The following TMED3 variants were observed in gnomAD, a reference collection of about 807,000 sequenced individuals.
TMED3 encodes transmembrane emp24 domain-containing protein 3.
In TMED3, 9 loss-of-function variants were observed where a neutral mutation model predicts 15.0. The ratio of observed to expected loss-of-function variants is 0.60; its 90% CI spans 0.36 to 1.04. TMED3 has a LOEUF of 1.04. TMED3 is among the 50% of genes least tolerant of loss of function. TMED3 has a pLI of 0.01. For missense variants in TMED3, 267 were observed against 278.9 expected (o/e 0.96, Z 0.30); for synonymous variants, 117 against 121.4 (o/e 0.96, Z 0.24).
At chr15:79,384,939 C>T (rs1055394180) in intron 2 of TMED3, among the ~76,000 whole-genome samples, 7 of 152,074 alleles carry the variant, frequency 4.6e-5, no homozygotes, top group African/African-American at 9.7e-5. Flanking sequence ...GAATGAAAGG[C>T]GTGAGTGAAT....
intron 2 of TMED3, among the ~76,000 whole-genome samples, chr15:79,359,937 T>A (rs1485800679): frequency 1.3e-5 from 2 of 152,336 alleles, no homozygotes; most frequent in South Asian, 2.1e-4. Context: ...GAATGTCTGA[T>A]AAATTTTTAG....
chr15:79,412,014 T>G (rs1164822648), exon 3 of TMED3: 2 of 150,536 alleles, frequency 1.3e-5, no homozygotes, highest in Non-Finnish European at 1.5e-5. Flanking sequence ...CTGCTTGCAG[T>G]GCAGCCTTGG....
chr15:79,344,435 G>A (rs932508407), intron 2 of TMED3, among the ~76,000 whole-genome samples: 1 of 152,160 alleles, frequency 6.6e-6, no homozygotes, highest in African/African-American at 2.4e-5. Context: ...CTCATTCCAT[G>A]TCTCTCTCCA....
chr15:79,349,193 T>C lies in TMED3; in HGVS notation c.417+35188T>C, dbSNP rs530374424. 5.9e-5 allele frequency among the ~76,000 whole-genome samples: 9 copies of C among 152,356 alleles called. No homozygotes were observed. In the South Asian group the frequency reaches 1.7e-3, roughly 28 times the overall value. On this transcript the variant is annotated intron_variant, in intron 2 of 2. Transcript: ENST00000424155. The stretch of plus-strand genomic sequence containing the variant: ...ACTGGAGTGAAGTGATACCTCATTA[T>C]ACTTTTGATTTATGTGTCCTCACGA...
chr15:79,377,868 G>C (rs933402886), intron 2 of TMED3, among the ~76,000 whole-genome samples: 8 of 152,080 alleles, frequency 5.3e-5, no homozygotes, highest in Non-Finnish European at 8.8e-5. Context: ...GGATGGTCTC[G>C]ATCTCCTGAC....
chr15:79,385,945 G>A (rs888251073), intron 2 of TMED3, among the ~76,000 whole-genome samples: 10 of 152,202 alleles, frequency 6.6e-5, no homozygotes, highest in African/African-American at 2.4e-4. Context: ...TTGGATTTCA[G>A]CCCAGGTCCA....
At chr15:79,324,216 C>T (rs28872841), downstream of TMED3, among the ~76,000 whole-genome samples, 4,225 of 152,294 alleles carry the variant, frequency 0.028, 120 homozygotes, top group African/African-American at 0.071. Context: ...TGGTCTCGAT[C>T]TCCTGACCTC....
intron 2 of TMED3, among the ~76,000 whole-genome samples, chr15:79,395,752 AC>A (rs1893755176): frequency 6.6e-6 from 1 of 152,196 alleles, no homozygotes; most frequent in South Asian, 2.1e-4. Context: ...CATATCTCAC[AC>A]TTATGTTTAA....
At chr15:79,357,445 A>T (rs1348250314) in intron 2 of TMED3, among the ~76,000 whole-genome samples, 2 of 127,820 alleles carry the variant, frequency 1.6e-5, no homozygotes, top group Non-Finnish European at 3.1e-5. Context: ...TGATTGTGCC[A>T]CTGCACTCCA....
At chr15:79,323,747 C>G (rs193236195), downstream of TMED3, among the ~76,000 whole-genome samples, 5 of 152,234 alleles carry the variant, frequency 3.3e-5, no homozygotes, top group East Asian at 9.6e-4. Context: ...TTGTCTTCCA[C>G]TTTTTTATGG....
At chr15:79,383,909 T>G (rs1380820455) in intron 2 of TMED3, 7 of 152,220 alleles carry the variant, frequency 4.6e-5, no homozygotes, top group African/African-American at 1.7e-4. Flanking sequence ...TTTCTTTGGG[T>G]TAATCCTTTA....
intron 2 of TMED3, among the ~76,000 whole-genome samples, chr15:79,360,098 C>G (rs1215567097): frequency 6.6e-6 from 1 of 152,152 alleles, no homozygotes; most frequent in African/African-American, 2.4e-5. Flanking sequence ...GGATCTGGGG[C>G]CATGGACAGG....
chr15:79,355,106 T>G (rs1306238906), intron 2 of TMED3, among the ~76,000 whole-genome samples: 4 of 152,058 alleles, frequency 2.6e-5, no homozygotes, highest in Non-Finnish European at 5.9e-5. Flanking sequence ...CCTCTTAATA[T>G]CCCATTATTG....
intron 2 of TMED3, among the ~76,000 whole-genome samples, chr15:79,328,491 G>A (rs1876440): frequency 0.11 from 17,217 of 152,254 alleles, 1,598 homozygotes; most frequent in East Asian, 0.53. Flanking sequence ...CACCTGGGAC[G>A]CGACCTTTGG....
chr15:79,316,883 C>T (rs1377955430), intron 2 of TMED3, among the ~76,000 whole-genome samples: 1 of 152,096 alleles, frequency 6.6e-6, no homozygotes, highest in African/African-American at 2.4e-5. Flanking sequence ...TGAGGGACTG[C>T]CTAACTGAAA....
At chr15:79,406,159 A>G (rs1488233569) in intron 2 of TMED3, among the ~76,000 whole-genome samples, 2 of 152,170 alleles carry the variant, frequency 1.3e-5, no homozygotes. Context: ...CACTCTTTCC[A>G]TCTTTGAGGA....
At chr15:79,369,343 A>G (rs894343984) in intron 2 of TMED3, among the ~76,000 whole-genome samples, 1 of 152,192 alleles carries the variant, frequency 6.6e-6, no homozygotes, top group Admixed American at 6.5e-5. Flanking sequence ...AGTCCTGCCC[A>G]TGAAGATGCC....
chr15:79,407,808 C>T (rs1400361005), intron 2 of TMED3, among the ~76,000 whole-genome samples: 2 of 152,100 alleles, frequency 1.3e-5, no homozygotes, highest in Non-Finnish European at 2.9e-5. Context: ...CCTGCTTTGC[C>T]CGAGAGCCAA....
rs1184771458 is a variant in TMED3 at position 79,311,330 on chromosome 15, C to T, written c.81C>T (p.Ala27=). The T allele has an allele frequency of 1.2e-6, 2 of 1,610,774 alleles. No individual in the cohort carries two copies. Among genetic ancestry groups the T allele is most frequent in the Non-Finnish European group, 1.7e-6 (2 of 1,179,020 alleles). The change falls in exon 1 of 3, where the codon GCC becomes GCT. Residue 27 remains alanine (A), a synonymous_variant. Coordinates refer to ENST00000299705, the MANE Select transcript of TMED3 (RefSeq NM_007364.4). The part of the protein sequence containing the change: ...LLRRAEQPCG[A]ELTFELPDNA... ...GCCGGGCCGAGCAGCCCTGCGGGGC[C>T]GAGCTCACCTTCGAGCTGCCGGACA... is the stretch of plus-strand genomic sequence containing the variant.
Sources: gnomAD v4.1 joint callset for allele counts (sites outside exome capture counted in the v4.1 genomes callset) on GRCh38, gnomAD v4.1.1 for gene constraint, MANE v1.5 for transcripts, NCBI Gene and HGNC (gene_info 2026-07-23, HGNC 2026-07-21) for gene names.